Variants in BMPR1B observed in about 807,000 individuals in gnomAD.
The protein encoded by BMPR1B is bone morphogenetic protein receptor type-1B.
Under a neutral mutation model 59.1 loss-of-function variants are expected in BMPR1B, and 12 were observed. The observed-to-expected ratio is 0.20, with a 90% CI of 0.13 to 0.33. The LOEUF is 0.33. Ranked by LOEUF, BMPR1B falls within the 10% of genes least tolerant of loss-of-function variation. BMPR1B has a pLI of 1.00. For synonymous variants in BMPR1B, 237 were observed against 207.3 expected, an observed-to-expected ratio of 1.14 and a Z score of -1.23; for missense variants, 550 against 610.9, an observed-to-expected ratio of 0.90 and a Z score of 1.05.
In BMPR1B at chr4:94,949,611, C is replaced by T. The variant is rs1357250810; in HGVS notation, c.-112-46429C>T. ...GATTACAGGCGTGAGCCACCGCGCCCGGCCTGAACTCATTCTTTTTTATGG... is the reference window on the plus strand; with the variant it reads ...GATTACAGGCGTGAGCCACCGCGCCTGGCCTGAACTCATTCTTTTTTATGG... On this transcript the variant is annotated intron_variant, in intron 2 of 12. Coordinates refer to ENST00000515059, the MANE Select transcript of BMPR1B (RefSeq NM_001203.3). Among the ~76,000 whole-genome samples the T allele has an allele frequency of 3.4e-4, 13 of 37,892 alleles. 4 individuals are homozygous for T. The highest frequency in any genetic ancestry group is 1.8e-3 in the East Asian group (6 of 3,342). 24.9% of individuals were successfully genotyped at this position (37,892 alleles called of 152,430 possible).
At chr4:94,845,100 A>G (rs1239978632) in intron 1 of BMPR1B, among the ~76,000 whole-genome samples, 2 of 151,516 alleles carry the variant, frequency 1.3e-5, no homozygotes, top group African/African-American at 2.4e-5. Context: ...GAAAAAAATC[A>G]CAAAATGTTG....
intron 2 of BMPR1B, among the ~76,000 whole-genome samples, chr4:94,973,086 G>C (rs1487393462): frequency 1.3e-5 from 2 of 152,306 alleles, no homozygotes; most frequent in East Asian, 3.9e-4. Context: ...ACCAGCAATA[G>C]CAAACTCCAT....
intron 3 of BMPR1B, among the ~76,000 whole-genome samples, chr4:95,044,813 G>A (rs2149177935): frequency 6.6e-6 from 1 of 152,216 alleles, no homozygotes; most frequent in African/African-American, 2.4e-5. Context: ...GGCTGAAGTT[G>A]TGGTCTTTAT....
chr4:94,766,570 G>A (rs1341533216), intron 1 of BMPR1B, among the ~76,000 whole-genome samples: 2 of 151,826 alleles, frequency 1.3e-5, no homozygotes, highest in Non-Finnish European at 2.9e-5. Context: ...TTTCTAAAAA[G>A]TTACTTATTG....
chr4:95,057,564 C>T lies in BMPR1B; in HGVS notation c.-17-46844C>T, dbSNP rs1037996116. ...GGGAGAATTTGATTGGCTGCGGACC[C>T]TTAGAATAATCAAAGGTAACCTACT... is the stretch of plus-strand genomic sequence containing the variant. On this transcript the variant is annotated intron_variant, in intron 3 of 12. Coordinates refer to ENST00000515059, the MANE Select transcript of BMPR1B (RefSeq NM_001203.3). Among the ~76,000 whole-genome samples the T allele has an allele frequency of 3.3e-5, 5 of 152,062 alleles. No individual in the cohort carries two copies. The South Asian group carries it at 6.2e-4, about 19-fold the overall frequency.
intron 2 of BMPR1B, among the ~76,000 whole-genome samples, chr4:94,924,250 T>A (rs1728804295): frequency 6.6e-6 from 1 of 152,214 alleles, no homozygotes; most frequent in African/African-American, 2.4e-5. Flanking sequence ...GTGATTTTCT[T>A]GTATAATTAT....
chr4:94,865,353 G>A (rs912361062), intron 1 of BMPR1B, among the ~76,000 whole-genome samples: 3 of 151,038 alleles, frequency 2.0e-5, no homozygotes, highest in East Asian at 2.0e-4. Context: ...TAAGAATATA[G>A]AACATAGTTC....
intron 2 of BMPR1B, among the ~76,000 whole-genome samples, chr4:94,886,225 A>C (rs1727165333): frequency 6.6e-6 from 1 of 152,230 alleles, no homozygotes; most frequent in Non-Finnish European, 1.5e-5. Context: ...AATGAAAAGC[A>C]TTGCTACAGA....
chr4:94,964,523 G>C (rs1286505237), intron 2 of BMPR1B, among the ~76,000 whole-genome samples: 1 of 152,106 alleles, frequency 6.6e-6, no homozygotes, highest in Admixed American at 6.5e-5. Context: ...CAACAATGTT[G>C]ATTAATCACT....
Position 94,903,103 on chromosome 4 carries a change from C to T in BMPR1B, c.-113+27203C>T, listed in dbSNP as rs116025412. Among the ~76,000 whole-genome samples the T allele has an allele frequency of 6.8e-3, 1,032 of 152,090 alleles. 12 individuals are homozygous for T. The highest frequency in any genetic ancestry group is 0.023 in the African/African-American group (965 of 41,532). ...TTTATGTATGTAGCATGACTAAGTG[C>T]ATATTATATGCAAAATAAAGTTATG... On this transcript the variant is annotated intron_variant, in intron 2 of 12. Transcript: ENST00000515059.
At chr4:94,773,708 C>T (rs1454525063) in intron 1 of BMPR1B, among the ~76,000 whole-genome samples, 2 of 152,056 alleles carry the variant, frequency 1.3e-5, no homozygotes, top group Non-Finnish European at 2.9e-5. Context: ...TTGCCAGCAA[C>T]ATGATAAATT....
At chr4:94,841,584 G>A (rs966569228) in intron 1 of BMPR1B, among the ~76,000 whole-genome samples, 12 of 117,676 alleles carry the variant, frequency 1.0e-4, no homozygotes, top group East Asian at 3.9e-4. Flanking sequence ...GACCCCTTGC[G>A]CTTCCCGAGT....
intron 3 of BMPR1B, among the ~76,000 whole-genome samples, chr4:95,019,709 CA>C (rs1324394774): frequency 1.3e-5 from 2 of 152,060 alleles, no homozygotes; most frequent in African/African-American, 4.8e-5. Flanking sequence ...AAATAACACT[CA>C]ATTTATAAGG....
chr4:94,811,041 T>C (rs1417274203), intron 1 of BMPR1B, among the ~76,000 whole-genome samples: 4 of 152,210 alleles, frequency 2.6e-5, no homozygotes, highest in Non-Finnish European at 5.9e-5. Flanking sequence ...GAATGATGAA[T>C]TAGTGTTCTC....
intron 10 of BMPR1B, among the ~76,000 whole-genome samples, chr4:95,148,297 G>T (rs1487114533): frequency 6.6e-6 from 1 of 152,044 alleles, no homozygotes; most frequent in African/African-American, 2.4e-5. Flanking sequence ...AAGGAAGAGG[G>T]TTTTTTTAGA....
intron 2 of BMPR1B, among the ~76,000 whole-genome samples, chr4:94,979,898 A>G (rs1212819846): frequency 6.6e-6 from 1 of 152,168 alleles, no homozygotes; most frequent in Non-Finnish European, 1.5e-5. Flanking sequence ...TGCTCACTGC[A>G]TCTTATTACT....
At chr4:95,130,956 C>A (rs1364709429) in intron 9 of BMPR1B, among the ~76,000 whole-genome samples, 2 of 151,864 alleles carry the variant, frequency 1.3e-5, no homozygotes, top group East Asian at 3.9e-4. Context: ...TCTTGAACTC[C>A]TGACCTCAAG....
chr4:94,840,194 A>T (rs1382497058), intron 1 of BMPR1B, among the ~76,000 whole-genome samples: 1 of 146,726 alleles, frequency 6.8e-6, no homozygotes, highest in Non-Finnish European at 1.5e-5. Context: ...TGCCCTTAAC[A>T]TTTTTTCCTT....
chr4:95,001,511 A>G (rs4331783), intron 3 of BMPR1B, among the ~76,000 whole-genome samples: 108,903 of 152,082 alleles, frequency 0.72, 40,335 homozygotes, highest in East Asian at 0.87. Context: ...CATTCATTCA[A>G]TAGAACATGG....
Sources: allele counts gnomAD v4.1 joint callset (sites outside exome capture counted in the v4.1 genomes callset), GRCh38; gene constraint gnomAD v4.1.1; transcripts MANE v1.5; gene names NCBI Gene and HGNC (gene_info 2026-07-23, HGNC 2026-07-21).